The following AJAP1 variants were observed in gnomAD, a reference collection of about 807,000 sequenced individuals.
AJAP1 encodes the protein adherens junctions associated protein 1.
AJAP1 carries 5 observed loss-of-function variants against 35.0 expected under a neutral mutation model. That is an observed-to-expected ratio of 0.14 (90% CI 0.07 to 0.30). The LOEUF is 0.30. AJAP1 is among the 10% of genes least tolerant of loss of function. The pLI is 1.00. For synonymous variants in AJAP1, 284 were observed against 249.3 expected, an observed-to-expected ratio of 1.14 and a Z score of -1.31; for missense variants, 586 against 571.0, an observed-to-expected ratio of 1.03 and a Z score of -0.27.
Position 4,783,508 on chromosome 1 carries a change from TATG to T in AJAP1, c.*1024_*1026del. The T allele has an allele frequency of 7.4e-6, 1 of 134,640 alleles. No individual in the cohort carries two copies. 8.3% of individuals were successfully genotyped at this position (134,640 alleles called of 1,614,324 possible). A position where few individuals can be genotyped will look rare whatever the true frequency, so the allele number is the denominator to read the frequency against. ...ATATATATATATATATATATATATA[TATG>T]TTTGTGTGTGTATATATATATATAT... On this transcript the variant is annotated 3_prime_UTR_variant, in exon 6 of 6. Coordinates refer to ENST00000378191, the MANE Select transcript of AJAP1 (RefSeq NM_018836.4).
chr1:4,757,157 C>G (rs1408857498), intron 2 of AJAP1, among the ~76,000 whole-genome samples: 2 of 152,234 alleles, frequency 1.3e-5, no homozygotes, highest in Non-Finnish European at 2.9e-5. Context: ...GAGGCCGCCT[C>G]ACTTCTGGTC....
intron 2 of AJAP1, among the ~76,000 whole-genome samples, chr1:4,714,821 C>G (rs1024640311): frequency 2.0e-5 from 3 of 152,150 alleles, no homozygotes; most frequent in African/African-American, 7.2e-5. Context: ...AGCTTCCCAG[C>G]CAAGGCAAAG....
At chr1:4,755,152 G>T (rs1404317230) in intron 2 of AJAP1, among the ~76,000 whole-genome samples, 1 of 152,236 alleles carries the variant, frequency 6.6e-6, no homozygotes, top group African/African-American at 2.4e-5. Context: ...GAGCAACAGG[G>T]AGGGTAACTG....
intron 2 of AJAP1, among the ~76,000 whole-genome samples, chr1:4,748,084 A>G (rs527645531): frequency 1.7e-3 from 262 of 151,480 alleles, no homozygotes; most frequent in African/African-American, 6.1e-3. Flanking sequence ...TTTTGCTGCC[A>G]GATGCAGCCC....
chr1:4,721,245 T>A (rs1465434033), intron 2 of AJAP1, among the ~76,000 whole-genome samples: 4 of 152,188 alleles, frequency 2.6e-5, no homozygotes. Flanking sequence ...ACTCCAGGAC[T>A]GTGGCACTTT....
At chr1:4,730,869 G>T (rs1175224516) in intron 2 of AJAP1, among the ~76,000 whole-genome samples, 1 of 152,098 alleles carries the variant, frequency 6.6e-6, no homozygotes, top group East Asian at 1.9e-4. Flanking sequence ...CTCATCCCCT[G>T]CTTGGCTGGA....
At chr1:4,746,623 G>A (rs1352107687) in intron 2 of AJAP1, among the ~76,000 whole-genome samples, 1 of 152,176 alleles carries the variant, frequency 6.6e-6, no homozygotes, top group Non-Finnish European at 1.5e-5. Context: ...GGCTAATTTT[G>A]TACCATGACC....
At chr1:4,745,972 A>G (rs750690036) in intron 2 of AJAP1, among the ~76,000 whole-genome samples, 9 of 152,226 alleles carry the variant, frequency 5.9e-5, no homozygotes, top group Non-Finnish European at 7.3e-5. Context: ...TTGCAAAATG[A>G]AAACAGTGAA....
chr1:4,770,556 C>G (rs1379956554), intron 3 of AJAP1, among the ~76,000 whole-genome samples: 3 of 152,184 alleles, frequency 2.0e-5, no homozygotes, highest in South Asian at 2.1e-4. Context: ...CCCTGCTGCT[C>G]GAAAGCGCCT....
intron 1 of AJAP1, among the ~76,000 whole-genome samples, chr1:4,708,616 T>A (rs746084058): frequency 6.6e-6 from 1 of 152,226 alleles, no homozygotes; most frequent in Admixed American, 6.5e-5. Context: ...TACTGCTCAC[T>A]GGTCCTTGGA....
At chr1:4,752,716 G>A (rs1370619543) in intron 2 of AJAP1, among the ~76,000 whole-genome samples, 1 of 152,026 alleles carries the variant, frequency 6.6e-6, no homozygotes, top group African/African-American at 2.4e-5. Context: ...AAACAATCCT[G>A]GGCTCCCAAG....
rs909757 is a variant in AJAP1 at position 4,790,763 on chromosome 1, T to C, written c.*8278T>C. 0.31 allele frequency: 46,469 copies of C among 152,064 alleles called. 7,693 individuals are homozygous for C. The highest frequency in any genetic ancestry group is 0.53 in the Middle Eastern group (156 of 294). 9.4% of individuals were successfully genotyped at this position (152,064 alleles called of 1,614,324 possible). On this transcript the variant is annotated 3_prime_UTR_variant, in exon 6 of 6. Transcript: ENST00000378191. ...TCAGCAGACGTCTCAGGATCTGTCA[T>C]ATGTCATGTTGCTTGGTGTGAAGAT...
intron 1 of AJAP1, among the ~76,000 whole-genome samples, chr1:4,691,121 A>G (rs1056191079): frequency 1.3e-5 from 2 of 152,184 alleles, no homozygotes; most frequent in Admixed American, 1.3e-4. Context: ...CCGTGAGCTC[A>G]CTGTGCTTAT....
At chr1:4,668,341 T>C (rs200960614) in intron 1 of AJAP1, among the ~76,000 whole-genome samples, 8 of 118,758 alleles carry the variant, frequency 6.7e-5, no homozygotes, top group South Asian at 2.5e-4. Context: ...TGTGTGCGTG[T>C]GCGTGTGTGT....
chr1:4,736,599 G>C (rs1640931065), intron 2 of AJAP1, among the ~76,000 whole-genome samples: 1 of 152,196 alleles, frequency 6.6e-6, no homozygotes, highest in African/African-American at 2.4e-5. Flanking sequence ...TGACTCCCCA[G>C]TGAACCTGCA....
In AJAP1 at chr1:4,693,860, A is replaced by G. The variant is rs1639798161; in HGVS notation, c.30-18040A>G. Among the ~76,000 whole-genome samples, 1 of 152,162 alleles carries G rather than the reference A, an allele frequency of 6.6e-6. No homozygotes were observed. The highest frequency in any genetic ancestry group is 1.5e-5 in the Non-Finnish European group (1 of 68,012). ...TTGGGGGAGATAATGGCATTCAGCCATTCAAGGGGGCAGAGCCTTCAGGGC... is the reference window on the plus strand; with the variant it reads ...TTGGGGGAGATAATGGCATTCAGCCGTTCAAGGGGGCAGAGCCTTCAGGGC... On this transcript the variant is annotated intron_variant, in intron 1 of 5. Coordinates refer to ENST00000378191, the MANE Select transcript of AJAP1 (RefSeq NM_018836.4). This position sits in a 1 kb window ranked among gnomAD's most constrained non-coding sequence, Gnocchi z 4.4.
Position 4,712,349 on chromosome 1 carries a change from A to G in AJAP1, c.479A>G (p.Gln160Arg). The G allele has an allele frequency of 2.7e-6, 4 of 1,503,534 alleles. No homozygotes were observed. The highest frequency in any genetic ancestry group is 3.6e-6 in the Non-Finnish European group (4 of 1,123,640). The allele number at this position is 1,503,534 out of a possible 1,614,324, so 93.1% of individuals were successfully genotyped here. A position where few individuals can be genotyped will look rare whatever the true frequency, so the allele number is the denominator to read the frequency against. ...ALLRRGKRHLQGDGLSSFDSR... is the reference protein window; with the variant it reads ...ALLRRGKRHLRGDGLSSFDSR... ...CTGAGGAGGGGCAAGAGGCACCTGC[A>G]GGGGGACGGTCTCAGCAGCTTCGAC... The change falls in exon 2 of 6, where the codon CAG becomes CGG. Residue 160 changes from glutamine (Q) to arginine (R), a missense_variant. Gln to Arg is a conservative substitution (Grantham distance 43). Coordinates refer to ENST00000378191, the MANE Select transcript of AJAP1 (RefSeq NM_018836.4).
intron 1 of AJAP1, among the ~76,000 whole-genome samples, chr1:4,677,970 C>T (rs755413603): frequency 2.6e-5 from 4 of 152,112 alleles, no homozygotes; most frequent in South Asian, 2.1e-4. Flanking sequence ...CCTGGTGGCT[C>T]GTAGAGGATG....
intron 5 of AJAP1, among the ~76,000 whole-genome samples, chr1:4,779,479 T>C (rs892884479): frequency 6.6e-6 from 1 of 151,942 alleles, no homozygotes; most frequent in Non-Finnish European, 1.5e-5. Context: ...AAAGTCTACA[T>C]GGGAACACCT....
Sources: gnomAD v4.1 joint callset for allele counts (sites outside exome capture counted in the v4.1 genomes callset) on GRCh38, gnomAD v4.1.1 for gene constraint, Gnocchi (gnomAD v3.1) non-coding constraint, MANE v1.5 for transcripts, NCBI Gene and HGNC (gene_info 2026-07-23, HGNC 2026-07-21) for gene names.